DST: variants seen among roughly 807,000 people sequenced by gnomAD.
DST encodes dystonin.
DST carries 253 observed loss-of-function variants against 875.2 expected under a neutral mutation model. The ratio of observed to expected loss-of-function variants is 0.29; its 90% CI spans 0.26 to 0.32. The LOEUF is 0.32. Among genes scored for constraint, DST ranks in the 10% least tolerant of loss-of-function variants. The pLI is 1.00. For missense variants in DST, 8,287 were observed against 9,111.6 expected, an observed-to-expected ratio of 0.91 and a Z score of 3.68; for synonymous variants, 3,124 against 3,197.1, an observed-to-expected ratio of 0.98 and a Z score of 0.77.
At chr6:56,656,325 A>G (rs1474857315) in intron 10 of DST, among the ~76,000 whole-genome samples, 1 of 152,250 alleles carries the variant, frequency 6.6e-6, no homozygotes, top group African/African-American at 2.4e-5. Flanking sequence ...AAAGTTTCAA[A>G]AAGCACATGT....
At chr6:56,579,201 GT>G (rs1233650453) in intron 49 of DST, among the ~76,000 whole-genome samples, 1 of 152,012 alleles carries the variant, frequency 6.6e-6, no homozygotes, top group African/African-American at 2.4e-5. Context: ...AATTTCCCTG[GT>G]TCCTGATCAT....
intron 63 of DST, among the ~76,000 whole-genome samples, chr6:56,534,704 TAC>T (rs2096962597): frequency 6.6e-6 from 1 of 152,110 alleles, no homozygotes; most frequent in Admixed American, 6.5e-5. Context: ...TATTTAAAAT[TAC>T]ACACACCCCC....
intron 61 of DST, among the ~76,000 whole-genome samples, chr6:56,546,391 A>G (rs1016663462): frequency 1.1e-5 from 1 of 87,854 alleles, no homozygotes. Context: ...TATATATATA[A>G]ATGTCAAAAA....
At chr6:56,657,660 G>A (rs1046652137) in intron 10 of DST, among the ~76,000 whole-genome samples, 7 of 152,092 alleles carry the variant, frequency 4.6e-5, no homozygotes, top group African/African-American at 1.2e-4. Flanking sequence ...GATGGATGGC[G>A]GTGATGGTTG....
In DST at chr6:56,569,839, A is replaced by G; in HGVS notation, c.13878+17T>C. ...TTGACACAAATGGAAATTTAGTATT[A>G]GATAACAATGATTCACCTTAGTGTC... On this transcript the variant is annotated intron_variant, in intron 54 of 103. Coordinates refer to ENST00000680361, the MANE Select transcript of DST (RefSeq NM_001374736.1). The G allele has an allele frequency of 6.3e-7, 1 of 1,597,208 alleles. No individual in the cohort carries two copies. Among genetic ancestry groups the G allele is most frequent in the East Asian group, 2.2e-5 (1 of 44,624 alleles).
chr6:56,741,886 C>A (rs1312880343), intron 4 of DST, among the ~76,000 whole-genome samples: 1 of 152,076 alleles, frequency 6.6e-6, no homozygotes, highest in Non-Finnish European at 1.5e-5. Flanking sequence ...TTATATCCCC[C>A]TTATAAAGTG....
At chr6:56,574,302 C>T (rs1034460722) in intron 50 of DST, among the ~76,000 whole-genome samples, 4 of 152,252 alleles carry the variant, frequency 2.6e-5, no homozygotes, top group African/African-American at 9.6e-5. Context: ...GAGTCACACA[C>T]AGCCATTCTC....
intron 2 of DST, among the ~76,000 whole-genome samples, chr6:56,902,532 T>C (rs1003599841): frequency 4.6e-5 from 7 of 152,054 alleles, no homozygotes; most frequent in Non-Finnish European, 1.5e-5. Context: ...AAGGAGGGGG[T>C]TAACCCCAGA....
chr6:56,697,506 T>A (rs1588780530), intron 9 of DST, among the ~76,000 whole-genome samples: 1 of 152,234 alleles, frequency 6.6e-6, no homozygotes, highest in East Asian at 1.9e-4. Flanking sequence ...CCGAAAAAGA[T>A]TTATGGACAG....
At chr6:56,505,622 G>T (rs1308785628) in intron 77 of DST, among the ~76,000 whole-genome samples, 1 of 151,934 alleles carries the variant, frequency 6.6e-6, no homozygotes. Context: ...ATATAGAAAT[G>T]GAATGGCATA....
chr6:56,592,070 C>CT, intron 49 of DST, 112 bp downstream of exon 49: 2 of 905,944 alleles, frequency 2.2e-6, no homozygotes, highest in Non-Finnish European at 3.3e-6. Flanking sequence ...CAGAAGTATA[C>CT]TTTTCACATC....
At chr6:56,469,355 G>GAA (rs557927558) in intron 97 of DST, among the ~76,000 whole-genome samples, 11 of 142,466 alleles carry the variant, frequency 7.7e-5, no homozygotes, top group Admixed American at 1.4e-4. Flanking sequence ...TTCCAAAAGA[G>GAA]AAAAAAAAAA....
intron 9 of DST, among the ~76,000 whole-genome samples, chr6:56,699,098 C>T (rs1376303143): frequency 6.6e-6 from 1 of 152,192 alleles, no homozygotes; most frequent in Non-Finnish European, 1.5e-5. Flanking sequence ...AAAACTAAAT[C>T]AAAATCGGTC....
chr6:56,711,275 T>C (rs369372445), intron 5 of DST, among the ~76,000 whole-genome samples: 13 of 152,204 alleles, frequency 8.5e-5, no homozygotes, highest in Admixed American at 4.6e-4. Context: ...CTGTTTCACC[T>C]AGGTATTTTT....
intron 57 of DST, among the ~76,000 whole-genome samples, 166 bp downstream of exon 57, chr6:56,561,142 T>C (rs915086420): frequency 2.0e-5 from 3 of 152,158 alleles, no homozygotes; most frequent in Non-Finnish European, 4.4e-5. Context: ...GTAACTATTA[T>C]TATCAATCTT....
chr6:56,618,335 G>A (rs1464455386), intron 36 of DST: 2 of 1,613,998 alleles, frequency 1.2e-6, no homozygotes, highest in African/African-American at 1.3e-5. Context: ...AAGGTGTCCA[G>A]TGTTTCTAGA....
At chr6:56,614,278 T>C (rs1437935099) in intron 37 of DST, 78 bp downstream of exon 37, 8 of 1,300,662 alleles carry the variant, frequency 6.2e-6, no homozygotes, top group Non-Finnish European at 8.3e-6. Context: ...AATTAAACAT[T>C]GTGCTAGGTA....
intron 63 of DST, 74 bp from the exon 64 acceptor site, chr6:56,532,584 A>T (rs1476976421): frequency 3.6e-5 from 50 of 1,376,704 alleles, no homozygotes; most frequent in Admixed American, 3.6e-4. Context: ...TATTCTAAGT[A>T]CATTTGAAGT....
intron 49 of DST, among the ~76,000 whole-genome samples, chr6:56,587,027 G>A (rs893556960): frequency 2.6e-5 from 4 of 152,354 alleles, no homozygotes; most frequent in African/African-American, 9.6e-5. Flanking sequence ...AAGGAACACA[G>A]TTCCTCACCA....
Sources: gnomAD v4.1 joint callset for allele counts (sites outside exome capture counted in the v4.1 genomes callset) on GRCh38, gnomAD v4.1.1 for gene constraint, MANE v1.5 for transcripts, NCBI Gene and HGNC (gene_info 2026-07-23, HGNC 2026-07-21) for gene names.